TRPM2: variants seen among roughly 807,000 people sequenced by gnomAD.
TRPM2 encodes transient receptor potential cation channel subfamily M member 2, also known as estrogen-responsive element-associated gene 1 protein.
TRPM2 carries 161 observed loss-of-function variants against 174.0 expected under a neutral mutation model. The ratio of observed to expected loss-of-function variants is 0.93; its 90% CI spans 0.81 to 1.05. TRPM2 has a LOEUF of 1.05. TRPM2 is among the 50% of genes least tolerant of loss of function. TRPM2 has a pLI of 0.00. For synonymous variants in TRPM2, 954 were observed against 861.3 expected (o/e 1.11, Z -1.88); for missense variants, 2,057 against 2,038.0 (o/e 1.01, Z -0.18).
At chr21:44,372,125 T>TAAACC (rs900338101) in intron 5 of TRPM2, among the ~76,000 whole-genome samples, 28 of 145,314 alleles carry the variant, frequency 1.9e-4, no homozygotes, top group Non-Finnish European at 3.5e-4. Context: ...CTGTCTAAAC[T>TAAACC]AAACCAAACC....
In TRPM2 at chr21:44,366,674, C is replaced by G. The variant is rs1434763879; in HGVS notation, c.424-80C>G. On this transcript the variant is annotated intron_variant, in intron 3 of 31. Transcript: ENST00000397928. This position sits in a 1 kb window ranked among gnomAD's most constrained non-coding sequence, Gnocchi z 6.0. ...CGGTGTCTGCCGCCCGCTGGGGCCT[C>G]TCTGCATGGCCTGTGTGGGTCGGTG... The G allele has an allele frequency of 1.4e-5, 23 of 1,600,144 alleles. No individual in the cohort carries two copies. The highest frequency in any genetic ancestry group is 1.9e-5 in the Non-Finnish European group (22 of 1,172,950).
chr21:44,350,689 G>T (rs1205222280), upstream of TRPM2, among the ~76,000 whole-genome samples: 7 of 147,292 alleles, frequency 4.8e-5, no homozygotes, highest in African/African-American at 1.3e-4. Flanking sequence ...AGGGGCGGGC[G>T]GGGTTCGGGG....
chr21:44,392,381 T>C (rs1382241230), intron 11 of TRPM2, among the ~76,000 whole-genome samples: 1 of 150,566 alleles, frequency 6.6e-6, no homozygotes. Flanking sequence ...CCTCCGTCTC[T>C]TGAGTAGCTG....
At position 44,424,851 on chromosome 21, in the gene TRPM2, G is replaced by A. The variant is rs145618288; in HGVS notation, c.3550-1G>A. Reference sequence around the variant, plus strand: ...ACTGTGTCTCGGGCCATGCCTTCCAGGTGGCCCAGACAGCCCAAGCCCTGC... The same window carrying A: ...ACTGTGTCTCGGGCCATGCCTTCCAAGTGGCCCAGACAGCCCAAGCCCTGC... On this transcript the variant is annotated splice_acceptor_variant, in intron 23 of 31. Transcript: ENST00000397928. LOFTEE classifies it high-confidence loss of function. 2.5e-6 allele frequency: 4 copies of A among 1,592,610 alleles called. No homozygotes were observed. Among genetic ancestry groups the A allele is most frequent in the Non-Finnish European group, 3.4e-6 (4 of 1,169,746 alleles).
intron 4 of TRPM2, among the ~76,000 whole-genome samples, chr21:44,368,032 G>C (rs915557029): frequency 6.6e-6 from 1 of 152,184 alleles, no homozygotes; most frequent in Non-Finnish European, 1.5e-5. Flanking sequence ...TTCAATATCC[G>C]TGTCCTTGTT....
intron 8 of TRPM2, among the ~76,000 whole-genome samples, chr21:44,380,279 G>C (rs1009256060): frequency 3.9e-5 from 6 of 152,184 alleles, no homozygotes; most frequent in African/African-American, 1.2e-4. Flanking sequence ...TGTCCGGCAG[G>C]AGAATAACAT....
At chr21:44,429,321 T>C in intron 27 of TRPM2, among the ~76,000 whole-genome samples, 1 of 149,498 alleles carries the variant, frequency 6.7e-6, no homozygotes. Context: ...GAATTTCACT[T>C]TTGTTGCCCA....
At position 44,407,297 on chromosome 21, in the gene TRPM2, T is replaced by C. The variant is rs138116760; in HGVS notation, c.2962+532T>C. Among the ~76,000 whole-genome samples the C allele has an allele frequency of 1.7e-3, 258 of 148,332 alleles. 3 individuals carry two copies. Among genetic ancestry groups the C allele is most frequent in the Middle Eastern group, 0.01 (3 of 290 alleles). ...CACGCCAACACACCCGGCTAATTTTTGTATTTTTTGTAGAGATGGGGGTTT... is the reference window on the plus strand; with the variant it reads ...CACGCCAACACACCCGGCTAATTTTCGTATTTTTTGTAGAGATGGGGGTTT... On this transcript the variant is annotated intron_variant, in intron 19 of 31. Coordinates refer to ENST00000397928, the MANE Select transcript of TRPM2 (RefSeq NM_003307.4).
chr21:44,424,300 C>T (rs1420792181), intron 23 of TRPM2, among the ~76,000 whole-genome samples: 1 of 152,238 alleles, frequency 6.6e-6, no homozygotes, highest in Admixed American at 6.5e-5. Context: ...CACCATCCAC[C>T]AGTCCTGCCC....
Position 44,405,947 on chromosome 21 carries a change from T to C in TRPM2, c.2700T>C (p.Ser900=), listed in dbSNP as rs752038498. The C allele has an allele frequency of 6.2e-7, 1 of 1,608,020 alleles. No homozygotes were observed. ...TGTACCCCGGGCGCGTCATCCTCTC[T>C]CTGGACTTCATCCTGTTCTGCCTCC... The part of the protein sequence containing the change: ...ATLYPGRVIL[S]LDFILFCLRL... The change falls in exon 18 of 32, where the codon TCT becomes TCC. Residue 900 remains serine (S), a synonymous_variant. Coordinates refer to ENST00000397928, the MANE Select transcript of TRPM2 (RefSeq NM_003307.4).
intron 19 of TRPM2, among the ~76,000 whole-genome samples, chr21:44,408,564 T>C (rs2049982888): frequency 6.6e-6 from 1 of 151,774 alleles, no homozygotes; most frequent in Non-Finnish European, 1.5e-5. Flanking sequence ...GGCATTTCTC[T>C]AAGGACCCGC....
In TRPM2 at chr21:44,391,843, G is replaced by A. The variant is rs2049185913; in HGVS notation, c.1794+218G>A. 6.6e-6 allele frequency among the ~76,000 whole-genome samples: 1 copy of A among 152,220 alleles called. No homozygotes were observed. The highest frequency in any genetic ancestry group is 1.5e-5 in the Non-Finnish European group (1 of 68,046). ...TGGAAGCCCGAAGTCCCAGATTAAG[G>A]CACCAGCAGGGCTGGCTTCTGGCCA... On this transcript the variant is annotated intron_variant, in intron 11 of 31. Coordinates refer to ENST00000397928, the MANE Select transcript of TRPM2 (RefSeq NM_003307.4). The surrounding 1 kb of genome is among the most constrained non-coding windows in gnomAD (Gnocchi z 5.0).
intron 13 of TRPM2, among the ~76,000 whole-genome samples, chr21:44,398,218 T>TTTTTTTTTTTTTTTTTTTTATTG (rs1555894625): frequency 6.6e-6 from 1 of 151,430 alleles, no homozygotes; most frequent in Admixed American, 6.6e-5. Context: ...TTTTTTTTTT[T>TTTTTTTTTTTTTTTTTTTTATTG]GAGATGGAGT....
intron 3 of TRPM2, among the ~76,000 whole-genome samples, chr21:44,365,542 G>C (rs1395617347): frequency 6.6e-6 from 1 of 152,198 alleles, no homozygotes; most frequent in Non-Finnish European, 1.5e-5. Flanking sequence ...CCTGTTGTTG[G>C]GTTTCAGATG....
At chr21:44,400,178 G>A (rs1276181357) in intron 14 of TRPM2, 81 bp from the exon 15 acceptor site, 4 of 1,213,010 alleles carry the variant, frequency 3.3e-6, no homozygotes, top group East Asian at 2.4e-5. Context: ...TAGGCACCCC[G>A]AGTCCTCAGC....
Position 44,397,888 on chromosome 21 carries a change from C to T in TRPM2, c.2062+12C>T, listed in dbSNP as rs748021762. On this transcript the variant is annotated intron_variant, in intron 13 of 31. Coordinates refer to ENST00000397928, the MANE Select transcript of TRPM2 (RefSeq NM_003307.4). ...GCACAGAGCCATCGGTGAGCTCTGC[C>T]GGGCACGGGCTGCAGGCCATGGCTC... The T allele has an allele frequency of 2.0e-5, 31 of 1,584,316 alleles. No homozygotes were observed. Among genetic ancestry groups the T allele is most frequent in the Admixed American group, 5.3e-5 (3 of 56,156 alleles).
chr21:44,436,836 G>T (rs2051288487), intron 28 of TRPM2, among the ~76,000 whole-genome samples: 1 of 152,110 alleles, frequency 6.6e-6, no homozygotes, highest in African/African-American at 2.4e-5. Flanking sequence ...TGAAGGCTGG[G>T]TCTCTTTCTA....
intron 5 of TRPM2, among the ~76,000 whole-genome samples, chr21:44,371,118 C>T (rs1009789546): frequency 6.6e-6 from 1 of 152,238 alleles, no homozygotes; most frequent in African/African-American, 2.4e-5. Context: ...GGCGGGGCCA[C>T]CTCCCTCTAG....
At chr21:44,397,934 G>A (rs1375118681) in intron 13 of TRPM2, 58 bp downstream of exon 13, 3 of 1,502,544 alleles carry the variant, frequency 2.0e-6, no homozygotes, top group African/African-American at 1.4e-5. Context: ...GCCCTCACCT[G>A]GAGTTCCCAT....
Sources: allele counts gnomAD v4.1 joint callset (sites outside exome capture counted in the v4.1 genomes callset), GRCh38; gene constraint gnomAD v4.1.1; non-coding constraint Gnocchi (gnomAD v3.1); transcripts MANE v1.5; gene names NCBI Gene and HGNC (gene_info 2026-07-23, HGNC 2026-07-21).